Variants in NIPSNAP2 observed in about 807,000 individuals in gnomAD.
NIPSNAP2 encodes protein NipSnap homolog 2.
A neutral mutation model predicts 48.4 loss-of-function variants in NIPSNAP2; 42 were observed. That is an observed-to-expected ratio of 0.87 (90% CI 0.68 to 1.12). The LOEUF (loss-of-function observed/expected upper bound fraction) is 1.12, where lower values mean the gene tolerates loss of function less well. Ranked by LOEUF, NIPSNAP2 falls within the 50% of genes most tolerant of loss-of-function variation. The pLI, the probability that NIPSNAP2 is intolerant of heterozygous loss-of-function variation, is 0.00. For synonymous variants in NIPSNAP2, 158 were observed against 126.6 expected, an observed-to-expected ratio of 1.25 and a Z score of -1.67; for missense variants, 314 against 347.3, an observed-to-expected ratio of 0.90 and a Z score of 0.76.
intron 9 of NIPSNAP2, among the ~76,000 whole-genome samples, chr7:55,998,491 C>CTTTTTTTTT (rs1406658343): frequency 1.3e-5 from 1 of 79,942 alleles, no homozygotes; most frequent in African/African-American, 3.9e-5. Flanking sequence ...CAGGTAGGAT[C>CTTTTTTTTT]TGTTTTTTTT....
Position 55,999,269 on chromosome 7 carries a change from G to T in NIPSNAP2, c.*197G>T. 1 of 587,532 alleles carries T rather than the reference G, an allele frequency of 1.7e-6. No individual in the cohort carries two copies. The highest frequency in any genetic ancestry group is 1.9e-5 in the African/African-American group (1 of 53,418). The allele number at this position is 587,532 out of a possible 1,614,324, so 36.4% of individuals were successfully genotyped here. On this transcript the variant is annotated 3_prime_UTR_variant, in exon 10 of 10. Transcript: ENST00000322090. ...TTACAGTTGGACTGATTGTGACAGT[G>T]CCTTGTCGTCCTCTTTGAAACACCC...
Position 55,997,573 on chromosome 7 carries a change from T to TG in NIPSNAP2, c.796+130dup, listed in dbSNP as rs1239504184. On this transcript the variant is annotated intron_variant, in intron 9 of 9. Coordinates refer to ENST00000322090, the MANE Select transcript of NIPSNAP2 (RefSeq NM_001483.3). The stretch of plus-strand genomic sequence containing the variant: ...GCTAGGATAGTGAGTTATCAGGTTG[T>TG]GGGGGGAAGGGAGATAGTCAATTTT... 24 of 693,532 alleles carry TG rather than the reference T, an allele frequency of 3.5e-5. 1 individual carries two copies. In the East Asian group the frequency reaches 4.8e-4, roughly 14 times the overall value. The allele number at this position is 693,532 out of a possible 1,614,324, so 43.0% of individuals were successfully genotyped here.
At chr7:55,980,260 TGTG>T (rs1787186573) in intron 3 of NIPSNAP2, 1 of 177,372 alleles carries the variant, frequency 5.6e-6, no homozygotes, top group East Asian at 1.4e-4. Flanking sequence ...GTACACATGA[TGTG>T]GTCACTATAC....
intron 9 of NIPSNAP2, 110 bp from the exon 10 acceptor site, chr7:55,998,896 CTT>C (rs760128989): frequency 3.3e-6 from 3 of 900,782 alleles, no homozygotes; most frequent in Non-Finnish European, 5.6e-6. Flanking sequence ...ATGATATTCT[CTT>C]GTTTTCAAGC....
intron 1 of NIPSNAP2, among the ~76,000 whole-genome samples, chr7:55,966,389 T>C (rs1436750419): frequency 1.3e-5 from 2 of 152,194 alleles, no homozygotes; most frequent in Non-Finnish European, 2.9e-5. Context: ...GGAGGATTGC[T>C]TGAGCCCAGG....
At position 55,964,669 on chromosome 7, in the gene NIPSNAP2, G is replaced by A; in HGVS notation, c.60G>A (p.Arg20=). 1 of 1,120,106 alleles carries A rather than the reference G, an allele frequency of 8.9e-7. No homozygotes were observed. The highest frequency in any genetic ancestry group is 1.1e-6 in the Non-Finnish European group (1 of 916,752). 69.4% of individuals were successfully genotyped at this position (1,120,106 alleles called of 1,614,324 possible). ...CCTGGGCCGGCGGCCTCCTGCAGCGGGCGGCCCCCTGCAGCCTCCTGCCCA... is the reference window on the plus strand; with the variant it reads ...CCTGGGCCGGCGGCCTCCTGCAGCGAGCGGCCCCCTGCAGCCTCCTGCCCA... ...GAAWAGGLLQ[R]AAPCSLLPRL... is the part of the protein sequence containing the mutation. Residue 20 remains arginine (R), a synonymous_variant, in exon 1 of 10, where the codon CGG becomes CGA. Coordinates refer to ENST00000322090, the MANE Select transcript of NIPSNAP2 (RefSeq NM_001483.3).
intron 6 of NIPSNAP2, among the ~76,000 whole-genome samples, chr7:55,984,114 A>G (rs1199529905): frequency 6.9e-6 from 1 of 145,168 alleles, no homozygotes; most frequent in African/African-American, 2.4e-5. Context: ...GTTTTTAAGA[A>G]GAAAGACCTA....
chr7:55,996,770 C>T (rs779270867), intron 8 of NIPSNAP2, among the ~76,000 whole-genome samples: 1 of 152,000 alleles, frequency 6.6e-6, no homozygotes, highest in African/African-American at 2.4e-5. Context: ...GCTCACGCCT[C>T]GATTCCCAGC....
intron 1 of NIPSNAP2, among the ~76,000 whole-genome samples, chr7:55,967,676 TG>T (rs1786925575): frequency 7.0e-6 from 1 of 143,780 alleles, no homozygotes; most frequent in African/African-American, 2.5e-5. Context: ...TGAGACAGAG[TG>T]TCACTCTGTT....
intron 7 of NIPSNAP2, among the ~76,000 whole-genome samples, chr7:55,985,699 T>C (rs1294178498): frequency 3.3e-5 from 5 of 149,892 alleles, no homozygotes; most frequent in Non-Finnish European, 7.4e-5. Flanking sequence ...TGAGCCAAGA[T>C]TGCACCACTG....
At chr7:55,987,774 AAG>A (rs1410238460) in intron 7 of NIPSNAP2, among the ~76,000 whole-genome samples, 1 of 152,154 alleles carries the variant, frequency 6.6e-6, no homozygotes, top group East Asian at 1.9e-4. Flanking sequence ...TAGAAACAGA[AAG>A]TGGAAAGGTG....
At chr7:55,989,301 A>G (rs1043533765) in intron 7 of NIPSNAP2, among the ~76,000 whole-genome samples, 1 of 152,190 alleles carries the variant, frequency 6.6e-6, no homozygotes, top group Non-Finnish European at 1.5e-5. Context: ...AATCCTGACT[A>G]TTATAATATG....
intron 6 of NIPSNAP2, among the ~76,000 whole-genome samples, chr7:55,984,595 G>A (rs184806404): frequency 1.1e-4 from 16 of 151,650 alleles, no homozygotes; most frequent in South Asian, 1.0e-3. Context: ...GGCGGGCGCC[G>A]GTAATCCCAG....
intron 3 of NIPSNAP2, chr7:55,979,996 CCCTT>C: frequency 2.6e-6 from 1 of 383,176 alleles, no homozygotes; most frequent in South Asian, 1.9e-5. Flanking sequence ...GTTGCCAGGC[CCCTT>C]TCTGGACCCC....
intron 1 of NIPSNAP2, among the ~76,000 whole-genome samples, chr7:55,969,487 T>C (rs1453328654): frequency 6.6e-6 from 1 of 152,152 alleles, no homozygotes; most frequent in East Asian, 1.9e-4. Flanking sequence ...GGTACTTCGT[T>C]AGAGCAGGCC....
At chr7:55,989,772 A>C (rs1159031588) in intron 7 of NIPSNAP2, among the ~76,000 whole-genome samples, 1 of 152,112 alleles carries the variant, frequency 6.6e-6, no homozygotes, top group East Asian at 1.9e-4. Context: ...TTTTCTTTTT[A>C]CCAGTCTCCA....
intron 9 of NIPSNAP2, among the ~76,000 whole-genome samples, chr7:55,998,496 T>G (rs966972635): frequency 1.7e-5 from 2 of 120,464 alleles, no homozygotes; most frequent in Admixed American, 1.7e-4. Flanking sequence ...AGGATCTGTT[T>G]TTTTTTTTTT....
chr7:55,994,819 T>C, intron 7 of NIPSNAP2, 75 bp from the exon 8 acceptor site: 4 of 1,230,494 alleles, frequency 3.3e-6, no homozygotes, highest in Non-Finnish European at 4.8e-6. Context: ...CTGAGTATGG[T>C]GAAGGTTTAG....
intron 3 of NIPSNAP2, 78 bp downstream of exon 3, chr7:55,978,473 G>T: frequency 8.3e-7 from 1 of 1,200,582 alleles, no homozygotes. Flanking sequence ...ACACTTGATA[G>T]CATAGAGAGA....
Sources: gnomAD v4.1 joint callset for allele counts (sites outside exome capture counted in the v4.1 genomes callset) on GRCh38, gnomAD v4.1.1 for gene constraint, MANE v1.5 for transcripts, NCBI Gene and HGNC (gene_info 2026-07-23, HGNC 2026-07-21) for gene names.